The following KLF13 variants were observed in gnomAD, a reference collection of about 807,000 sequenced individuals.
KLF13 encodes KLF transcription factor 13, also known as Krueppel-like factor 13.
KLF13 carries 8 observed loss-of-function variants against 16.7 expected under a neutral mutation model. The ratio of observed to expected loss-of-function variants is 0.48; its 90% confidence interval spans 0.28 to 0.87. The LOEUF (loss-of-function observed/expected upper bound fraction) is 0.87, where lower values mean the gene tolerates loss of function less well. Among genes scored for constraint, KLF13 ranks in the 40% least tolerant of loss-of-function variants. The pLI, the probability that KLF13 is intolerant of heterozygous loss-of-function variation, is 0.10. For synonymous variants in KLF13, 245 were observed against 208.4 expected (o/e 1.18, Z -1.51); for missense variants, 447 against 452.2 (o/e 0.99, Z 0.10).
chr15:31,349,500 C>T (rs904401563), intron 1 of KLF13, among the ~76,000 whole-genome samples: 1 of 152,218 alleles, frequency 6.6e-6, no homozygotes, highest in African/African-American at 2.4e-5. Flanking sequence ...TCTGCACTGA[C>T]CCTTAACATG....
In KLF13 at chr15:31,327,149, G is replaced by T; in HGVS notation, c.-64G>T. 1.9e-6 allele frequency: 2 copies of T among 1,056,660 alleles called. No individual in the cohort carries two copies. Among genetic ancestry groups the T allele is most frequent in the Non-Finnish European group, 2.3e-6 (2 of 868,754 alleles). The allele number at this position is 1,056,660 out of a possible 1,614,324, so 65.5% of individuals were successfully genotyped here. ...GCCCCCCGCCCGCTCTCCCGAGGCCGTGGGTGCGGATGCGCGGCTGACGAC... is the reference window on the plus strand; with the variant it reads ...GCCCCCCGCCCGCTCTCCCGAGGCCTTGGGTGCGGATGCGCGGCTGACGAC... On this transcript the variant is annotated 5_prime_UTR_variant, in exon 1 of 2. Coordinates refer to ENST00000307145, the MANE Select transcript of KLF13 (RefSeq NM_015995.4).
At chr15:31,405,292 C>T (rs1208202524), downstream of KLF13, among the ~76,000 whole-genome samples, 2 of 151,958 alleles carry the variant, frequency 1.3e-5, no homozygotes, top group Non-Finnish European at 2.9e-5. Context: ...CCAGTCTGGC[C>T]AACAAAACGA....
chr15:31,370,049 T>C (rs867431483), intron 1 of KLF13, among the ~76,000 whole-genome samples: 118 of 149,252 alleles, frequency 7.9e-4, no homozygotes, highest in African/African-American at 2.2e-3. Context: ...TTTTTCTTTT[T>C]TTTTTTTTTT....
intron 1 of KLF13, among the ~76,000 whole-genome samples, chr15:31,337,650 A>T (rs573320534): frequency 6.6e-6 from 1 of 152,240 alleles, no homozygotes; most frequent in Admixed American, 6.5e-5. Flanking sequence ...AAGCCGGTAC[A>T]GTATAGTACT....
intron 1 of KLF13, among the ~76,000 whole-genome samples, chr15:31,428,752 G>A (rs1359661848): frequency 2.2e-5 from 3 of 139,166 alleles, no homozygotes; most frequent in Non-Finnish European, 3.0e-5. Flanking sequence ...GCAGTGAGCC[G>A]AGATCGCGCC....
At chr15:31,425,234 C>A (rs911015159) in intron 1 of KLF13, among the ~76,000 whole-genome samples, 4 of 152,020 alleles carry the variant, frequency 2.6e-5, no homozygotes, top group Admixed American at 6.5e-5. Context: ...AGATCCACTG[C>A]AATACTTATC....
chr15:31,340,111 C>A (rs143544672), intron 1 of KLF13: 36 of 693,756 alleles, frequency 5.2e-5, no homozygotes, highest in Middle Eastern at 2.3e-4. Context: ...GTCTCGTCTT[C>A]GTTGTAGGCC....
In KLF13 at chr15:31,374,631, C is replaced by T. The variant is rs574347762; in HGVS notation, c.*2332C>T. 1.5e-3 allele frequency: 227 copies of T among 152,516 alleles called. 1 individual carries two copies. Among genetic ancestry groups the T allele is most frequent in the Non-Finnish European group, 2.0e-3 (135 of 68,000 alleles). 9.4% of individuals were successfully genotyped at this position (152,516 alleles called of 1,614,324 possible). A position where few individuals can be genotyped will look rare whatever the true frequency, so the allele number is the denominator to read the frequency against. ...TTATTCCAAAGTCCTTTGGTGCACT[C>T]ACCGTCCACCGTTCCCCAAGGCAGG... On this transcript the variant is annotated 3_prime_UTR_variant, in exon 2 of 2. Transcript: ENST00000307145.
chr15:31,405,522 G>A (rs780237225), downstream of KLF13, among the ~76,000 whole-genome samples: 10 of 152,210 alleles, frequency 6.6e-5, no homozygotes, highest in Non-Finnish European at 1.3e-4. Context: ...CCCTGGCTGT[G>A]TGATTCTATT....
chr15:31,366,036 C>T (rs1163949444), intron 1 of KLF13: 3 of 152,204 alleles, frequency 2.0e-5, no homozygotes, highest in Admixed American at 6.5e-5. Context: ...CTCGCTGTGG[C>T]GCCAGGGAAC....
chr15:31,407,819 G>A (rs8035633), downstream of KLF13, among the ~76,000 whole-genome samples: 105,876 of 152,034 alleles, frequency 0.7, 37,653 homozygotes, highest in African/African-American at 0.85. Context: ...ACAGAGACCA[G>A]TAAAGCCTTT....
rs373749416 is a variant in KLF13 at position 31,417,419 on chromosome 15, C to T, written n.118-17951C>T. ...CTGAGGCATGAGAATTGCTTGAACC[C>T]GGGAGGCAGAGGTTGCAGTGAGCTG... On this transcript the variant is annotated intron_variant and non_coding_transcript_variant, in intron 1 of 1. Transcript: ENST00000558225. Among the ~76,000 whole-genome samples, 26 of 151,906 alleles carry T rather than the reference C, an allele frequency of 1.7e-4. 2 individuals carry two copies. The highest frequency in any genetic ancestry group is 9.2e-4 in the Admixed American group (14 of 15,274).
intron 1 of KLF13, among the ~76,000 whole-genome samples, chr15:31,387,323 G>T (rs1382621625): frequency 5.3e-5 from 8 of 152,216 alleles, no homozygotes; most frequent in Admixed American, 6.5e-5. Flanking sequence ...TGATCAGTCT[G>T]CAACCATCAA....
At chr15:31,350,847 C>T (rs564738621) in intron 1 of KLF13, among the ~76,000 whole-genome samples, 5 of 152,374 alleles carry the variant, frequency 3.3e-5, no homozygotes, top group Admixed American at 6.5e-5. Flanking sequence ...GAATGCAGGC[C>T]TGGCACTCTT....
chr15:31,420,427 A>T (rs1236875720), intron 1 of KLF13: 1 of 1,053,902 alleles, frequency 9.5e-7, no homozygotes, highest in African/African-American at 1.6e-5. Context: ...AGTTCCTCAC[A>T]TCCTGCTACC....
At chr15:31,330,068 C>A (rs917293877) in intron 1 of KLF13, among the ~76,000 whole-genome samples, 1 of 152,208 alleles carries the variant, frequency 6.6e-6, no homozygotes, top group Non-Finnish European at 1.5e-5. Flanking sequence ...TTTCCAGCCC[C>A]TTCCCAGGTG....
chr15:31,403,089 G>A (rs1394880461), intron 2 of KLF13, among the ~76,000 whole-genome samples: 2 of 152,190 alleles, frequency 1.3e-5, no homozygotes, highest in Non-Finnish European at 2.9e-5. Context: ...TCTACGGCTC[G>A]ATTGCCAGTT....
intron 1 of KLF13, among the ~76,000 whole-genome samples, chr15:31,344,139 C>G (rs10851532): frequency 0.83 from 126,329 of 152,144 alleles, 52,562 homozygotes; most frequent in South Asian, 0.87. Flanking sequence ...GCTAGCGCTG[C>G]GCACCCACAC....
chr15:31,422,156 G>GA, intron 1 of KLF13, among the ~76,000 whole-genome samples: 1 of 147,860 alleles, frequency 6.8e-6, no homozygotes, highest in East Asian at 2.0e-4. Flanking sequence ...AAAGAAAAAA[G>GA]AAATAGAGTG....
Sources: allele counts gnomAD v4.1 joint callset (sites outside exome capture counted in the v4.1 genomes callset), GRCh38; gene constraint gnomAD v4.1.1; transcripts MANE v1.5; gene names NCBI Gene and HGNC (gene_info 2026-07-23, HGNC 2026-07-21).